Variants in SLC25A51 observed in about 807,000 individuals in gnomAD.
The protein encoded by SLC25A51 is solute carrier family 25 member 51.
In SLC25A51, 11 loss-of-function variants were observed where a neutral mutation model predicts 19.1. That is an observed-to-expected ratio of 0.58 (90% CI 0.36 to 0.96). The LOEUF is 0.96. SLC25A51 is among the 40% of genes least tolerant of loss of function. SLC25A51 has a pLI of 0.01. For missense variants in SLC25A51, 201 were observed against 365.4 expected (o/e 0.55, Z 3.67); for synonymous variants, 105 against 133.6 (o/e 0.79, Z 1.47).
intron 2 of SLC25A51, among the ~76,000 whole-genome samples, chr9:37,891,254 C>T (rs1344162745): frequency 1.3e-5 from 2 of 152,138 alleles, no homozygotes; most frequent in Non-Finnish European, 2.9e-5. Context: ...AGCCCCCACC[C>T]GGCCAGCCGC....
downstream of SLC25A51, chr9:37,878,136 G>A: frequency 6.2e-6 from 1 of 161,446 alleles, no homozygotes; most frequent in Non-Finnish European, 1.5e-5. Context: ...ACTGAACATT[G>A]CTAAAAAACT....
At chr9:37,885,825 C>T (rs73646123), downstream of SLC25A51, 8,479 of 1,605,444 alleles carry the variant, frequency 5.3e-3, 403 homozygotes, top group African/African-American at 0.1. Flanking sequence ...CTTGGATATT[C>T]GCATGGGCCT....
intron 1 of SLC25A51, among the ~76,000 whole-genome samples, chr9:37,902,765 T>G (rs1229693595): frequency 6.6e-6 from 1 of 152,256 alleles, no homozygotes; most frequent in Non-Finnish European, 1.5e-5. Flanking sequence ...CAACTACAAG[T>G]GTCAAGCTTC....
At chr9:37,894,207 T>C (rs1040010428) in intron 2 of SLC25A51, among the ~76,000 whole-genome samples, 9 of 152,194 alleles carry the variant, frequency 5.9e-5, no homozygotes, top group Admixed American at 5.9e-4. Context: ...CTGTGGACAA[T>C]TCAGCTTGCC....
chr9:37,883,267 A>G (rs997935191), downstream of SLC25A51, among the ~76,000 whole-genome samples: 1 of 152,262 alleles, frequency 6.6e-6, no homozygotes, highest in Non-Finnish European at 1.5e-5. Flanking sequence ...AAGTTCTGCT[A>G]AATTTTTTGT....
chr9:37,887,050 C>G (rs976983467), downstream of SLC25A51, among the ~76,000 whole-genome samples: 1 of 151,568 alleles, frequency 6.6e-6, no homozygotes, highest in African/African-American at 2.4e-5. Context: ...GGCACAGTGG[C>G]TCACGCCTAT....
At chr9:37,901,720 C>T (rs958432829) in intron 1 of SLC25A51, among the ~76,000 whole-genome samples, 7 of 152,170 alleles carry the variant, frequency 4.6e-5, no homozygotes, top group Non-Finnish European at 2.9e-5. Flanking sequence ...CTCTCCTCTC[C>T]CTTTCTTAAT....
chr9:37,881,761 T>G (rs1831354272), intron 2 of SLC25A51: 1 of 152,172 alleles, frequency 6.6e-6, no homozygotes, highest in Non-Finnish European at 1.5e-5. Flanking sequence ...CCAGGTTAAG[T>G]TGCTAAAAGT....
At chr9:37,897,781 T>C (rs1831751066) in intron 2 of SLC25A51, among the ~76,000 whole-genome samples, 1 of 152,114 alleles carries the variant, frequency 6.6e-6, no homozygotes, top group Non-Finnish European at 1.5e-5. Flanking sequence ...GTCATCTGAG[T>C]GTTCATAATC....
At chr9:37,892,322 G>A (rs903621817) in intron 2 of SLC25A51, among the ~76,000 whole-genome samples, 24 of 152,198 alleles carry the variant, frequency 1.6e-4, no homozygotes, top group Admixed American at 1.6e-3. Flanking sequence ...TGCACATAAG[G>A]GTGAAGCACA....
chr9:37,883,004 C>A (rs1290129768), downstream of SLC25A51, among the ~76,000 whole-genome samples: 1 of 152,192 alleles, frequency 6.6e-6, no homozygotes, highest in African/African-American at 2.4e-5. Flanking sequence ...CCACCATACC[C>A]GGCTAGTTTT....
chr9:37,891,582 G>A lies in SLC25A51; in HGVS notation c.-42-2990C>T, dbSNP rs555082871. Among the ~76,000 whole-genome samples the A allele has an allele frequency of 1.1e-4, 17 of 152,140 alleles. No homozygotes were observed. The East Asian group carries it at 3.1e-3, about 28-fold the overall frequency. Reference sequence around the variant, plus strand: ...CCCAACCCTGTGCTCTCTGAAACATGTGCTGTGTCCACTCAGGGTTAAATG... The same window carrying A: ...CCCAACCCTGTGCTCTCTGAAACATATGCTGTGTCCACTCAGGGTTAAATG... On this transcript the variant is annotated intron_variant, in intron 2 of 2. Transcript: ENST00000242275.
chr9:37,895,529 C>G (rs1831698508), intron 2 of SLC25A51, among the ~76,000 whole-genome samples: 1 of 152,044 alleles, frequency 6.6e-6, no homozygotes, highest in South Asian at 2.1e-4. Context: ...GATTCCCCAT[C>G]TTTCATTTCT....
At chr9:37,893,306 T>C (rs1249356279) in intron 2 of SLC25A51, among the ~76,000 whole-genome samples, 1 of 150,950 alleles carries the variant, frequency 6.6e-6, no homozygotes, top group Non-Finnish European at 1.5e-5. Context: ...ATCTGTACAA[T>C]CTATGGCCTA....
intron 1 of SLC25A51, among the ~76,000 whole-genome samples, chr9:37,900,703 C>A (rs1250716215): frequency 6.6e-6 from 1 of 151,414 alleles, no homozygotes; most frequent in African/African-American, 2.4e-5. Flanking sequence ...CAAGCCACTG[C>A]ACCCATCCAA....
Position 37,899,841 on chromosome 9 carries a change from A to G in SLC25A51, c.-55T>C. The G allele has an allele frequency of 6.4e-6, 1 of 156,550 alleles. No individual in the cohort carries two copies. 9.7% of individuals were successfully genotyped at this position (156,550 alleles called of 1,614,324 possible). A position where few individuals can be genotyped will look rare whatever the true frequency, so the allele number is the denominator to read the frequency against. On this transcript the variant is annotated 5_prime_UTR_variant, in exon 2 of 3. Transcript: ENST00000242275. ...TAATTGCATTCACCTGTGACATCTG[A>G]GCCTGGAGTTTGGCAGGATGATAGC... is the stretch of plus-strand genomic sequence containing the variant.
intron 2 of SLC25A51, among the ~76,000 whole-genome samples, chr9:37,889,410 C>T (rs1423700323): frequency 6.6e-6 from 1 of 152,086 alleles, no homozygotes; most frequent in East Asian, 1.9e-4. Flanking sequence ...TGATAACCAA[C>T]CATTGTGGGA....
chr9:37,900,547 G>A (rs1831824795), intron 1 of SLC25A51, among the ~76,000 whole-genome samples: 1 of 151,996 alleles, frequency 6.6e-6, no homozygotes, highest in South Asian at 2.1e-4. Context: ...TGGGGCCTCA[G>A]TCTCCTGAGT....
chr9:37,886,406 A>G, downstream of SLC25A51: 11 of 1,574,332 alleles, frequency 7.0e-6, no homozygotes, highest in Admixed American at 5.4e-5. Flanking sequence ...TCACTTTGGC[A>G]GTGCTTCCTC....
Sources: allele counts gnomAD v4.1 joint callset (sites outside exome capture counted in the v4.1 genomes callset), GRCh38; gene constraint gnomAD v4.1.1; transcripts MANE v1.5; gene names NCBI Gene and HGNC (gene_info 2026-07-23, HGNC 2026-07-21).